MYO5A: variants seen among roughly 807,000 people sequenced by gnomAD.
MYO5A encodes myosin VA.
Under a neutral mutation model 249.7 loss-of-function variants are expected in MYO5A, and 98 were observed. The observed-to-expected ratio is 0.39, with a 90% CI of 0.33 to 0.46. MYO5A has a LOEUF of 0.46. Ranked by LOEUF, MYO5A falls within the 20% of genes least tolerant of loss-of-function variation. MYO5A has a pLI of 0.98. For missense variants in MYO5A, 1,696 were observed against 2,308.8 expected (o/e 0.73, Z 5.44); for synonymous variants, 778 against 810.6 (o/e 0.96, Z 0.68).
chr15:52,350,557 G>A (rs1280829786), intron 28 of MYO5A, among the ~76,000 whole-genome samples: 6 of 152,154 alleles, frequency 3.9e-5, no homozygotes, highest in Non-Finnish European at 8.8e-5. Context: ...GCTCTGCTGT[G>A]TGCACAAGGG....
Position 52,392,016 on chromosome 15 carries a change from G to T in MYO5A, c.1456C>A (p.Leu486Ile), listed in dbSNP as rs763138984. Reference sequence around the variant, plus strand: ...GGCTGATTATCATAAAAATCTATGAGTGTCCATGGAATTTGTTCCTTCATA... The same window carrying T: ...GGCTGATTATCATAAAAATCTATGATTGTCCATGGAATTTGTTCCTTCATA... ...EYMKEQIPWT[L>I]IDFYDNQPCI... The change falls in exon 12 of 42, where the codon CTC (leucine) becomes ATC (isoleucine). Residue 486 changes from leucine to isoleucine, a missense_variant. Coordinates refer to ENST00000399233, the MANE Select transcript of MYO5A (RefSeq NM_001382347.1). The T allele has an allele frequency of 6.2e-7, 1 of 1,611,022 alleles. No homozygotes were observed. The highest frequency in any genetic ancestry group is 1.7e-5 in the Admixed American group (1 of 59,974).
At chr15:52,378,301 T>A (rs1409383137) in intron 18 of MYO5A, among the ~76,000 whole-genome samples, 4 of 151,698 alleles carry the variant, frequency 2.6e-5, no homozygotes, top group African/African-American at 9.7e-5. Flanking sequence ...GGCGGGCAGA[T>A]CACGAGGTCA....
chr15:52,395,247 A>G (rs1231355240), intron 11 of MYO5A, among the ~76,000 whole-genome samples: 1 of 152,032 alleles, frequency 6.6e-6, no homozygotes, highest in Non-Finnish European at 1.5e-5. Context: ...TTATGACACA[A>G]ACAAGGCTAA....
At chr15:52,314,011 G>A in intron 41 of MYO5A, 112 bp downstream of exon 41, 1 of 1,282,878 alleles carries the variant, frequency 7.8e-7, no homozygotes, top group Admixed American at 1.9e-5. Flanking sequence ...AAAAAAGTTA[G>A]TGCATTGTAA....
intron 1 of MYO5A, among the ~76,000 whole-genome samples, chr15:52,474,248 G>A (rs2076541963): frequency 6.6e-6 from 1 of 152,232 alleles, no homozygotes; most frequent in South Asian, 2.1e-4. Context: ...TTTGTATCCT[G>A]AGACTGCTGA....
At chr15:52,500,209 T>C (rs2141578078) in intron 1 of MYO5A, among the ~76,000 whole-genome samples, 1 of 152,322 alleles carries the variant, frequency 6.6e-6, no homozygotes. Context: ...TGTGTGATAA[T>C]AGGCATGAAA....
At chr15:52,413,805 T>C (rs965634004) in intron 5 of MYO5A, among the ~76,000 whole-genome samples, 1 of 152,208 alleles carries the variant, frequency 6.6e-6, no homozygotes, top group Non-Finnish European at 1.5e-5. Context: ...TTCTTATAGA[T>C]GAACAATTTC....
chr15:52,399,701 T>C (rs2042660184), intron 9 of MYO5A, among the ~76,000 whole-genome samples: 1 of 152,156 alleles, frequency 6.6e-6, no homozygotes, highest in Non-Finnish European at 1.5e-5. Context: ...ATGTGCAGCT[T>C]TGTGCACATG....
intron 2 of MYO5A, 110 bp from the exon 3 acceptor site, chr15:52,428,679 G>T: frequency 2.6e-6 from 3 of 1,143,312 alleles, no homozygotes; most frequent in Non-Finnish European, 4.0e-6. Flanking sequence ...GCTATTAAAT[G>T]CATTATTTTC....
chr15:52,364,195 G>A (rs1038116233), intron 24 of MYO5A, among the ~76,000 whole-genome samples: 1 of 151,444 alleles, frequency 6.6e-6, no homozygotes, highest in Non-Finnish European at 1.5e-5. Context: ...CCGAGATTGT[G>A]CCACTACACT....
At chr15:52,313,908 T>C in intron 41 of MYO5A, 60 bp from the exon 42 acceptor site, 1 of 1,586,382 alleles carries the variant, frequency 6.3e-7, no homozygotes, top group Non-Finnish European at 8.6e-7. Flanking sequence ...AAAAGACTTT[T>C]TTCTACTAAA....
intron 1 of MYO5A, among the ~76,000 whole-genome samples, chr15:52,469,543 T>C (rs1262625679): frequency 6.6e-6 from 1 of 151,998 alleles, no homozygotes; most frequent in African/African-American, 2.4e-5. Context: ...GCAGCAGAGA[T>C]AGAGGAGACA....
At position 52,376,356 on chromosome 15, in the gene MYO5A, T is replaced by C. The variant is rs1405058680; in HGVS notation, c.2411A>G (p.Gln804Arg). Residue 804 changes from glutamine (Q) to arginine (R), a missense_variant, in exon 19 of 42, where the codon CAG (glutamine) becomes CGG (arginine). Gln to Arg is a conservative substitution (Grantham distance 43). Coordinates refer to ENST00000399233, the MANE Select transcript of MYO5A (RefSeq NM_001382347.1). ...TCCCCAGGAGACCTACCATCGGGCC[T>C]GGTAGCCCCGCACGTATCTCTGCAT... ...ITMQRYVRGYQARCYAKFLRR... is the reference protein window; with the variant it reads ...ITMQRYVRGYRARCYAKFLRR... 1 of 1,614,030 alleles carries C rather than the reference T, an allele frequency of 6.2e-7. No individual in the cohort carries two copies. Among genetic ancestry groups the C allele is most frequent in the South Asian group, 1.1e-5 (1 of 91,060 alleles).
intron 4 of MYO5A, among the ~76,000 whole-genome samples, chr15:52,419,034 A>G (rs939456265): frequency 4.6e-5 from 7 of 152,220 alleles, no homozygotes; most frequent in Admixed American, 3.9e-4. Flanking sequence ...AATTACATCT[A>G]CGTCATCAAC....
chr15:52,369,379 A>C (rs2040982443), intron 22 of MYO5A, among the ~76,000 whole-genome samples: 1 of 152,224 alleles, frequency 6.6e-6, no homozygotes, highest in African/African-American at 2.4e-5. Context: ...TTTTCCAGGA[A>C]GCCTAATGTT....
chr15:52,520,302 C>G (rs527456967), intron 1 of MYO5A, among the ~76,000 whole-genome samples: 9 of 152,162 alleles, frequency 5.9e-5, no homozygotes, highest in Middle Eastern at 3.2e-3. Context: ...CTGTCCTCCC[C>G]CTGGTCTCTG....
At chr15:52,351,926 T>G (rs902931561) in intron 27 of MYO5A, among the ~76,000 whole-genome samples, 1 of 152,224 alleles carries the variant, frequency 6.6e-6, no homozygotes, top group African/African-American at 2.4e-5. Flanking sequence ...TCCTCTTACT[T>G]CCTTTATAAA....
intron 4 of MYO5A, among the ~76,000 whole-genome samples, chr15:52,421,205 A>G (rs1409474583): frequency 6.6e-6 from 1 of 152,174 alleles, no homozygotes; most frequent in South Asian, 2.1e-4. Context: ...AGATTTTGTC[A>G]TCTCTAATAG....
chr15:52,331,106 C>T (rs4519295), intron 34 of MYO5A, among the ~76,000 whole-genome samples: 71,653 of 152,080 alleles, frequency 0.47, 20,192 homozygotes, highest in Non-Finnish European at 0.61. Flanking sequence ...TGGCAAAGAC[C>T]TAATTTTCTC....
Sources: gnomAD v4.1 joint callset for allele counts (sites outside exome capture counted in the v4.1 genomes callset) on GRCh38, gnomAD v4.1.1 for gene constraint, MANE v1.5 for transcripts, NCBI Gene and HGNC (gene_info 2026-07-23, HGNC 2026-07-21) for gene names.